The following HEXB variants were observed in gnomAD, a reference collection of about 807,000 sequenced individuals.
The protein encoded by HEXB is beta-hexosaminidase subunit beta.
HEXB carries 51 observed loss-of-function variants against 71.2 expected under a neutral mutation model. The ratio of observed to expected loss-of-function variants is 0.72; its 90% CI spans 0.57 to 0.90. The LOEUF (loss-of-function observed/expected upper bound fraction) is 0.90. Among genes scored for constraint, HEXB ranks in the 40% least tolerant of loss-of-function variants. HEXB has a pLI of 0.00. For synonymous variants in HEXB, 266 were observed against 249.3 expected (o/e 1.07, Z -0.63); for missense variants, 617 against 677.0 (o/e 0.91, Z 0.98).
At chr5:74,719,365 G>T (rs1435488392) in intron 11 of HEXB, among the ~76,000 whole-genome samples, 1 of 152,102 alleles carries the variant, frequency 6.6e-6, no homozygotes, top group African/African-American at 2.4e-5. Flanking sequence ...TATAGTTTTA[G>T]TTCAGTGGAT....
At chr5:74,672,003 C>T (rs1413738956) in intron 1 of HEXB, among the ~76,000 whole-genome samples, 1 of 152,210 alleles carries the variant, frequency 6.6e-6, no homozygotes, top group African/African-American at 2.4e-5. Context: ...GCTTCTGTGC[C>T]TCACACTGGA....
At chr5:74,679,195 G>A (rs1748691588) in intron 1 of HEXB, among the ~76,000 whole-genome samples, 1 of 152,172 alleles carries the variant, frequency 6.6e-6, no homozygotes, top group African/African-American at 2.4e-5. Context: ...GAGTGATTTT[G>A]GAATCTGGCA....
intron 6 of HEXB, among the ~76,000 whole-genome samples, chr5:74,712,547 T>G (rs1749573780): frequency 6.6e-6 from 1 of 152,176 alleles, no homozygotes; most frequent in South Asian, 2.1e-4. Context: ...ACAAATAAGC[T>G]CCATAATTGT....
rs116149939 is a variant in HEXB at position 74,650,188 on chromosome 5, G to A, written c.-377+9630G>A. 3.5e-3 allele frequency among the ~76,000 whole-genome samples: 535 copies of A among 152,342 alleles called. 4 individuals carry two copies. Among genetic ancestry groups the A allele is most frequent in the African/African-American group, 0.012 (506 of 41,582 alleles). Reference sequence around the variant, plus strand: ...TGCAAAGCATGCTGTCAGTGAGCGGGCACGGAACCTCCTCGAGCATGTTAC... The same window carrying A: ...TGCAAAGCATGCTGTCAGTGAGCGGACACGGAACCTCCTCGAGCATGTTAC... On this transcript the variant is annotated intron_variant, in intron 1 of 13. Coordinates refer to the HEXB transcript ENST00000511181.
chr5:74,685,650 G>A, intron 1 of HEXB, 91 bp downstream of exon 1: 1 of 1,214,846 alleles, frequency 8.2e-7, no homozygotes, highest in East Asian at 2.6e-5. Flanking sequence ...CCACCCCACT[G>A]CGCAGACGAG....
chr5:74,706,705 G>A (rs747037434), intron 6 of HEXB, among the ~76,000 whole-genome samples: 44 of 152,296 alleles, frequency 2.9e-4, no homozygotes, highest in Non-Finnish European at 6.3e-4. Context: ...TAGCACAGAA[G>A]TCTGAGATCA....
intron 1 of HEXB, among the ~76,000 whole-genome samples, chr5:74,688,333 G>A (rs540862126): frequency 4.2e-5 from 5 of 118,588 alleles, no homozygotes; most frequent in Non-Finnish European, 7.1e-5. Flanking sequence ...CCAACAAAAG[G>A]TACTTTTTTT....
At chr5:74,651,241 G>A (rs1162684668) in intron 1 of HEXB, among the ~76,000 whole-genome samples, 2 of 152,174 alleles carry the variant, frequency 1.3e-5, no homozygotes, top group Admixed American at 6.5e-5. Flanking sequence ...CTAAATGGTG[G>A]CATTTCAGCC....
chr5:74,646,493 A>G (rs184426690), intron 1 of HEXB, among the ~76,000 whole-genome samples: 73 of 151,820 alleles, frequency 4.8e-4, no homozygotes, highest in African/African-American at 1.8e-3. Flanking sequence ...GCCTTTTCCC[A>G]TCTGTTATTG....
Position 74,718,811 on chromosome 5 carries a change from A to G in HEXB, c.1257A>G (p.Thr419=), listed in dbSNP as rs1579954466. ...FDDKAKLAPG[T]IVEVWKDSAY... is the part of the protein sequence containing the mutation. The stretch of plus-strand genomic sequence containing the variant: ...AACGTTAATAGCTTGCGCCGGGCAC[A>G]ATAGTTGAAGTATGGAAAGACAGCG... Residue 419 remains threonine, a synonymous_variant, in exon 11 of 14, where the codon ACA becomes ACG. Coordinates refer to ENST00000261416, the MANE Select transcript of HEXB (RefSeq NM_000521.4). 1 of 1,614,170 alleles carries G rather than the reference A, an allele frequency of 6.2e-7. No homozygotes were observed.
rs1747882647 is a variant in HEXB at position 74,641,424 on chromosome 5, T to G, written c.-377+866T>G. On this transcript the variant is annotated intron_variant, in intron 1 of 13. Transcript: ENST00000511181. This position sits in a 1 kb window ranked among gnomAD's most constrained non-coding sequence, Gnocchi z 4.1. ...GGGTGCGGCACCCCCGGCTGGACTC[T>G]GCCCTAAGCCAGGCGACTGCAGGGG... The G allele has an allele frequency of 6.6e-6, 1 of 152,286 alleles. No homozygotes were observed. The highest frequency in any genetic ancestry group is 2.1e-4 in the South Asian group (1 of 4,832). 9.4% of individuals were successfully genotyped at this position (152,286 alleles called of 1,614,324 possible). A position where few individuals can be genotyped will look rare whatever the true frequency, so the allele number is the denominator to read the frequency against.
At position 74,697,091 on chromosome 5, in the gene HEXB, T is replaced by C. The variant is rs1395527567; in HGVS notation, c.654T>C (p.Ile218=). The C allele has an allele frequency of 1.4e-6, 2 of 1,475,228 alleles. No individual in the cohort carries two copies. Among genetic ancestry groups the C allele is most frequent in the Non-Finnish European group, 1.9e-6 (2 of 1,054,124 alleles). The allele number at this position is 1,475,228 out of a possible 1,614,324, so 91.4% of individuals were successfully genotyped here. A position where few individuals can be genotyped will look rare whatever the true frequency, so the allele number is the denominator to read the frequency against. ...DTSRHYLPVK[I]ILKTLDAMAF... Reference sequence around the variant, plus strand: ...CCAGACATTATCTGCCAGTTAAGATTATTCTTAAAACTCTGGTAAGTAATT... The same window carrying C: ...CCAGACATTATCTGCCAGTTAAGATCATTCTTAAAACTCTGGTAAGTAATT... The change falls in exon 5 of 14, where the codon ATT becomes ATC. Residue 218 remains isoleucine (I), a synonymous_variant. Transcript: ENST00000261416.
chr5:74,651,730 C>T (rs1355332180), intron 1 of HEXB, among the ~76,000 whole-genome samples: 1 of 152,180 alleles, frequency 6.6e-6, no homozygotes. Flanking sequence ...ATAAACTAAC[C>T]AGCATCTCTG....
intron 11 of HEXB, chr5:74,720,067 G>A: frequency 3.8e-6 from 1 of 266,468 alleles, no homozygotes. Flanking sequence ...CTATTCCCTG[G>A]CACACTACTA....
chr5:74,720,375 C>T, intron 11 of HEXB, 53 bp from the exon 12 acceptor site: 1 of 1,235,200 alleles, frequency 8.1e-7, no homozygotes, highest in Non-Finnish European at 1.2e-6. Flanking sequence ...TGAAATATTG[C>T]CTCTGTGTAT....
chr5:74,655,312 C>CTTTT (rs386404134), intron 1 of HEXB, among the ~76,000 whole-genome samples: 1 of 125,132 alleles, frequency 8.0e-6, no homozygotes, highest in Non-Finnish European at 1.6e-5. Context: ...AAGCATTAAA[C>CTTTT]TTTTTTTTTT....
intron 6 of HEXB, chr5:74,706,038 T>TA (rs2112157567): frequency 6.5e-6 from 1 of 153,146 alleles, no homozygotes; most frequent in Admixed American, 6.5e-5. Context: ...TACTTTTTAT[T>TA]ATGGCAAATT....
chr5:74,671,171 G>A (rs16872172), intron 1 of HEXB, among the ~76,000 whole-genome samples: 2,425 of 152,160 alleles, frequency 0.016, 57 homozygotes, highest in African/African-American at 0.055. Flanking sequence ...CAAGAGTACT[G>A]GCAACAAAGT....
At chr5:74,653,229 T>A (rs1185919359) in intron 1 of HEXB, among the ~76,000 whole-genome samples, 1 of 152,226 alleles carries the variant, frequency 6.6e-6, no homozygotes, top group Non-Finnish European at 1.5e-5. Context: ...ATTACGTCAA[T>A]AATTTTTTAA....
Sources: gnomAD v4.1 joint callset for allele counts (sites outside exome capture counted in the v4.1 genomes callset) on GRCh38, gnomAD v4.1.1 for gene constraint, Gnocchi (gnomAD v3.1) non-coding constraint, MANE v1.5 for transcripts, NCBI Gene and HGNC (gene_info 2026-07-23, HGNC 2026-07-21) for gene names.